The following ADGRL3 variants were observed in gnomAD, a reference collection of about 807,000 sequenced individuals.
The protein encoded by ADGRL3 is adhesion G protein-coupled receptor L3, also known as calcium-independent alpha-latrotoxin receptor 3.
Under a neutral mutation model 153.5 loss-of-function variants are expected in ADGRL3, and 62 were observed. That is an observed-to-expected ratio of 0.40 (90% confidence interval 0.33 to 0.50). The LOEUF (loss-of-function observed/expected upper bound fraction) is 0.50. Among genes scored for constraint, ADGRL3 ranks in the 20% least tolerant of loss-of-function variants. The pLI is 0.47. For synonymous variants in ADGRL3, 710 were observed against 672.5 expected (o/e 1.06, Z -0.86); for missense variants, 1,641 against 1,859.4 (o/e 0.88, Z 2.16).
chr4:62,047,634 G>A (rs925236798), intron 25 of ADGRL3, among the ~76,000 whole-genome samples: 9 of 152,012 alleles, frequency 5.9e-5, no homozygotes, highest in Non-Finnish European at 8.8e-5. Flanking sequence ...TTTTCAATGA[G>A]TATATTAATT....
intron 1 of ADGRL3, among the ~76,000 whole-genome samples, chr4:61,230,943 G>A (rs1750352369): frequency 6.6e-6 from 1 of 152,178 alleles, no homozygotes; most frequent in East Asian, 1.9e-4. Flanking sequence ...CAGTTTGTCA[G>A]GTTTTTGTCC....
chr4:61,332,771 T>C (rs1375656658), intron 1 of ADGRL3, among the ~76,000 whole-genome samples: 1 of 152,090 alleles, frequency 6.6e-6, no homozygotes, highest in East Asian at 1.9e-4. Flanking sequence ...AGTAAATGGT[T>C]AGGGGTTGAA....
intron 17 of ADGRL3, among the ~76,000 whole-genome samples, chr4:61,972,578 A>C (rs1396785736): frequency 6.6e-6 from 1 of 152,122 alleles, no homozygotes; most frequent in Non-Finnish European, 1.5e-5. Context: ...GTATAGTTTG[A>C]AGTCAGGTAG....
intron 1 of ADGRL3, among the ~76,000 whole-genome samples, chr4:61,346,240 G>GTCTC (rs141859178): frequency 4.1e-5 from 6 of 146,892 alleles, no homozygotes; most frequent in Admixed American, 2.0e-4. Context: ...AACATATTGA[G>GTCTC]TCTCTCTCTC....
At chr4:61,494,764 A>G (rs967190091) in intron 2 of ADGRL3, among the ~76,000 whole-genome samples, 5 of 152,116 alleles carry the variant, frequency 3.3e-5, no homozygotes. Flanking sequence ...TTCCCATAAT[A>G]TCAATGAAAT....
At chr4:61,838,005 C>T (rs776974704) in intron 9 of ADGRL3, among the ~76,000 whole-genome samples, 5 of 151,840 alleles carry the variant, frequency 3.3e-5, no homozygotes, top group Non-Finnish European at 5.9e-5. Context: ...TCTAGAATGG[C>T]ATTGTTGTTG....
At chr4:62,048,257 TTTA>T (rs1438179312) in intron 25 of ADGRL3, among the ~76,000 whole-genome samples, 1 of 151,870 alleles carries the variant, frequency 6.6e-6, no homozygotes, top group African/African-American at 2.4e-5. Flanking sequence ...TTTTATTTAT[TTTA>T]TTATTTATTT....
At chr4:61,266,763 C>G (rs1004524104) in intron 1 of ADGRL3, among the ~76,000 whole-genome samples, 1 of 151,640 alleles carries the variant, frequency 6.6e-6, no homozygotes, top group Non-Finnish European at 1.5e-5. Flanking sequence ...ATGCTTAATA[C>G]AAACATCTTT....
chr4:61,936,122 G>A lies in ADGRL3; in HGVS notation c.2419+77G>A, dbSNP rs1055471346. On this transcript the variant is annotated intron_variant, in intron 15 of 26. Coordinates refer to ENST00000683033, the MANE Select transcript of ADGRL3 (RefSeq NM_001387552.1). ...CATTTCTTTTTGGCCGGGAATATTA[G>A]GTCCACTATTTAGGAGCTTTTCCCC... is the stretch of plus-strand genomic sequence containing the variant. The A allele has an allele frequency of 7.9e-6, 12 of 1,520,872 alleles. No individual in the cohort carries two copies. In the African/African-American group the frequency reaches 1.7e-4, roughly 21 times the overall value. 94.2% of individuals were successfully genotyped at this position (1,520,872 alleles called of 1,614,324 possible).
At chr4:61,220,974 T>C (rs1454853742) in intron 1 of ADGRL3, among the ~76,000 whole-genome samples, 1 of 152,164 alleles carries the variant, frequency 6.6e-6, no homozygotes, top group Non-Finnish European at 1.5e-5. Context: ...ACAGACATAG[T>C]CTTTCTTTTT....
chr4:61,708,801 ATTATTTATTTAT>A (rs1180622737), intron 6 of ADGRL3, among the ~76,000 whole-genome samples: 1 of 151,698 alleles, frequency 6.6e-6, no homozygotes, highest in East Asian at 1.9e-4. Context: ...AACTTTATTC[ATTATTTATTTAT>A]TTATTTATTT....
intron 8 of ADGRL3, among the ~76,000 whole-genome samples, chr4:61,773,027 C>T (rs2097104224): frequency 6.6e-6 from 1 of 152,124 alleles, no homozygotes; most frequent in Admixed American, 6.5e-5. Flanking sequence ...TACTTGTGTG[C>T]AAAGACATGC....
intron 21 of ADGRL3, among the ~76,000 whole-genome samples, chr4:62,025,359 T>C (rs1717903478): frequency 6.6e-6 from 1 of 152,192 alleles, no homozygotes. Context: ...AGGGGATTAG[T>C]ATAAGAAAAG....
intron 25 of ADGRL3, among the ~76,000 whole-genome samples, chr4:62,055,133 A>G (rs759416278): frequency 6.6e-6 from 1 of 151,812 alleles, no homozygotes; most frequent in Non-Finnish European, 1.5e-5. Flanking sequence ...GGAAAAGCTC[A>G]TATGTCTGGA....
At position 61,724,808 on chromosome 4, in the gene ADGRL3, T is replaced by C. The variant is rs1279195291; in HGVS notation, c.584-5814T>C. ...ATTTACTGAAGTGCTTCTGTATTTC[T>C]TGGTAGAAGTGAAATGGAAGAAGAG... On this transcript the variant is annotated intron_variant, in intron 6 of 26. Transcript: ENST00000683033. 2.6e-5 allele frequency among the ~76,000 whole-genome samples: 4 copies of C among 152,240 alleles called. No individual in the cohort carries two copies. The South Asian group carries it at 8.3e-4, about 31-fold the overall frequency.
chr4:61,992,610 C>T (rs949081639), intron 19 of ADGRL3, among the ~76,000 whole-genome samples: 1 of 152,114 alleles, frequency 6.6e-6, no homozygotes, highest in African/African-American at 2.4e-5. Context: ...GCCCCAGCAG[C>T]CCTCATGGAG....
At chr4:61,301,359 T>C (rs1375114683) in intron 1 of ADGRL3, among the ~76,000 whole-genome samples, 1 of 152,242 alleles carries the variant, frequency 6.6e-6, no homozygotes, top group Admixed American at 6.5e-5. Flanking sequence ...AGAAATATTG[T>C]CTGTACTGGC....
intron 2 of ADGRL3, among the ~76,000 whole-genome samples, chr4:61,407,543 A>G (rs915163971): frequency 1.3e-5 from 2 of 152,128 alleles, no homozygotes; most frequent in Non-Finnish European, 2.9e-5. Flanking sequence ...TCCACAAAAA[A>G]CTGAGGAAAA....
chr4:61,535,998 T>A (rs2098653513), intron 4 of ADGRL3, among the ~76,000 whole-genome samples: 1 of 152,092 alleles, frequency 6.6e-6, no homozygotes, highest in African/African-American at 2.4e-5. Context: ...AGGTTGTTAA[T>A]TGGAAATCTT....
Sources: gnomAD v4.1 joint callset for allele counts (sites outside exome capture counted in the v4.1 genomes callset) on GRCh38, gnomAD v4.1.1 for gene constraint, MANE v1.5 for transcripts, NCBI Gene and HGNC (gene_info 2026-07-23, HGNC 2026-07-21) for gene names.